TMEM38B: variants seen among roughly 807,000 people sequenced by gnomAD.
The protein encoded by TMEM38B is transmembrane protein 38B.
TMEM38B carries 24 observed loss-of-function variants against 28.7 expected under a neutral mutation model. The ratio of observed to expected loss-of-function variants is 0.84; its 90% CI spans 0.61 to 1.18. The LOEUF (loss-of-function observed/expected upper bound fraction) is 1.18, where lower values mean the gene tolerates loss of function less well. TMEM38B is among the 50% of genes most tolerant of loss of function. The pLI, the probability that TMEM38B is intolerant of heterozygous loss-of-function variation, is 0.00. For missense variants in TMEM38B, 380 were observed against 350.9 expected, an observed-to-expected ratio of 1.08 and a Z score of -0.66; for synonymous variants, 131 against 127.7, an observed-to-expected ratio of 1.03 and a Z score of -0.17.
chr9:105,754,913 C>G (rs186911318), intron 5 of TMEM38B, among the ~76,000 whole-genome samples: 87 of 152,214 alleles, frequency 5.7e-4, no homozygotes, highest in African/African-American at 2.0e-3. Flanking sequence ...CAAATAAACA[C>G]AATCAGAAAT....
At chr9:105,720,085 T>G (rs1447689785) in intron 2 of TMEM38B, among the ~76,000 whole-genome samples, 2 of 152,082 alleles carry the variant, frequency 1.3e-5, no homozygotes, top group Non-Finnish European at 2.9e-5. Flanking sequence ...ACATGTACAA[T>G]TTTAAAGCCA....
intron 5 of TMEM38B, among the ~76,000 whole-genome samples, chr9:105,749,770 T>G (rs149532473): frequency 2.3e-3 from 350 of 152,344 alleles, no homozygotes; most frequent in Non-Finnish European, 3.5e-3. Flanking sequence ...CATTCATCAG[T>G]TGATGGACAT....
chr9:105,764,582 A>G (rs1318018138), intron 5 of TMEM38B, among the ~76,000 whole-genome samples: 1 of 152,042 alleles, frequency 6.6e-6, no homozygotes, highest in Non-Finnish European at 1.5e-5. Context: ...GAAATAAAAG[A>G]GGATACAAAC....
chr9:105,709,064 T>C (rs1588395504), intron 2 of TMEM38B, among the ~76,000 whole-genome samples: 2 of 152,134 alleles, frequency 1.3e-5, no homozygotes, highest in East Asian at 1.9e-4. Context: ...AATGTACATG[T>C]AAATCACTAA....
At chr9:105,705,031 A>T (rs1173308818) in intron 1 of TMEM38B, among the ~76,000 whole-genome samples, 1 of 151,980 alleles carries the variant, frequency 6.6e-6, no homozygotes, top group Admixed American at 6.6e-5. Context: ...GGTTTCCCCC[A>T]CTCTCAAGTT....
At chr9:105,700,207 A>G (rs1401368367) in intron 1 of TMEM38B, among the ~76,000 whole-genome samples, 2 of 152,208 alleles carry the variant, frequency 1.3e-5, no homozygotes, top group Non-Finnish European at 2.9e-5. Context: ...ATTATATTAG[A>G]TGTTTAGGAT....
chr9:105,709,254 A>G (rs1430535714), intron 2 of TMEM38B, among the ~76,000 whole-genome samples: 2 of 152,200 alleles, frequency 1.3e-5, no homozygotes, highest in Non-Finnish European at 2.9e-5. Flanking sequence ...TGAGTAAACA[A>G]TTTAATATAA....
intron 5 of TMEM38B, among the ~76,000 whole-genome samples, chr9:105,765,770 A>G (rs1826351108): frequency 6.6e-6 from 1 of 152,088 alleles, no homozygotes; most frequent in South Asian, 2.1e-4. Flanking sequence ...GTGTACATAT[A>G]TGTCTGTACA....
rs1225369632 is a variant in TMEM38B at position 105,755,818 on chromosome 9, A to G, written c.660+7628A>G. Among the ~76,000 whole-genome samples, 3 of 152,224 alleles carry G rather than the reference A, an allele frequency of 2.0e-5. No homozygotes were observed. In the East Asian group the frequency reaches 5.8e-4, roughly 29 times the overall value. Reference sequence around the variant, plus strand: ...TTTTATACTAAATACAATTGTTTTAAAATTTCACTTCCAGGCTGTTTATTA... The same window carrying G: ...TTTTATACTAAATACAATTGTTTTAGAATTTCACTTCCAGGCTGTTTATTA... On this transcript the variant is annotated intron_variant, in intron 5 of 5. Coordinates refer to ENST00000374692, the MANE Select transcript of TMEM38B (RefSeq NM_018112.3).
At chr9:105,760,213 A>G (rs1161156655) in intron 5 of TMEM38B, 11 of 891,830 alleles carry the variant, frequency 1.2e-5, no homozygotes, top group Non-Finnish European at 1.7e-5. Flanking sequence ...AAATGTTGAT[A>G]TGTCCAAACT....
intron 4 of TMEM38B, among the ~76,000 whole-genome samples, chr9:105,736,880 C>T (rs1837002704): frequency 6.6e-6 from 1 of 152,202 alleles, no homozygotes. Flanking sequence ...CATTGATGAC[C>T]TTGGGTGCCT....
intron 4 of TMEM38B, among the ~76,000 whole-genome samples, chr9:105,747,207 G>A (rs1837438980): frequency 6.6e-6 from 1 of 152,282 alleles, no homozygotes; most frequent in Admixed American, 6.5e-5. Flanking sequence ...GTCTGGTCCT[G>A]GACTTTTTTT....
chr9:105,710,719 G>T, intron 2 of TMEM38B: 1 of 633,408 alleles, frequency 1.6e-6, no homozygotes. Flanking sequence ...TTCAGACCTG[G>T]TGTCGTTGGC....
intron 5 of TMEM38B, among the ~76,000 whole-genome samples, chr9:105,761,845 C>G (rs1040636467): frequency 1.3e-5 from 2 of 152,170 alleles, no homozygotes; most frequent in African/African-American, 4.8e-5. Flanking sequence ...CTGTGAGAAT[C>G]AATGTCCTAA....
At chr9:105,708,854 AT>A (rs57198402) in intron 2 of TMEM38B, among the ~76,000 whole-genome samples, 43 of 148,900 alleles carry the variant, frequency 2.9e-4, no homozygotes, top group East Asian at 5.9e-4. Context: ...TTATCTGTTG[AT>A]TTTTTTTTTT....
intron 5 of TMEM38B, among the ~76,000 whole-genome samples, chr9:105,748,641 G>A (rs1367836677): frequency 6.6e-6 from 1 of 152,106 alleles, no homozygotes; most frequent in Non-Finnish European, 1.5e-5. Flanking sequence ...CTGAAGATAG[G>A]TTAGAGACAG....
chr9:105,728,673 C>A (rs1456592856), intron 4 of TMEM38B, among the ~76,000 whole-genome samples: 2 of 152,192 alleles, frequency 1.3e-5, no homozygotes, highest in African/African-American at 4.8e-5. Context: ...CTGTCTTCCA[C>A]AATGGTTGAA....
intron 2 of TMEM38B, among the ~76,000 whole-genome samples, chr9:105,712,459 T>C (rs1835940150): frequency 6.6e-6 from 1 of 152,226 alleles, no homozygotes; most frequent in African/African-American, 2.4e-5. Context: ...ATTTGCAGTT[T>C]TCCATAGTCC....
At chr9:105,769,627 C>T (rs2133653951) in intron 5 of TMEM38B, among the ~76,000 whole-genome samples, 1 of 152,276 alleles carries the variant, frequency 6.6e-6, no homozygotes, top group African/African-American at 2.4e-5. Context: ...TCAGGCACTC[C>T]TGCAAATGTT....
Sources: allele counts gnomAD v4.1 joint callset (sites outside exome capture counted in the v4.1 genomes callset), GRCh38; gene constraint gnomAD v4.1.1; transcripts MANE v1.5; gene names NCBI Gene and HGNC (gene_info 2026-07-23, HGNC 2026-07-21).